Variants in CFAP69 observed in about 807,000 individuals in gnomAD.
CFAP69 encodes cilia and flagella associated protein 69, also known as cilia- and flagella-associated protein 69.
CFAP69 carries 92 observed loss-of-function variants against 123.0 expected under a neutral mutation model. The ratio of observed to expected loss-of-function variants is 0.75; its 90% CI spans 0.63 to 0.89. The LOEUF (loss-of-function observed/expected upper bound fraction) is 0.89. Ranked by LOEUF, CFAP69 falls within the 40% of genes least tolerant of loss-of-function variation. The pLI, the probability that CFAP69 is intolerant of heterozygous loss-of-function variation, is 0.00. For missense variants in CFAP69, 1,067 were observed against 1,096.9 expected, an observed-to-expected ratio of 0.97 and a Z score of 0.39; for synonymous variants, 380 against 364.3, an observed-to-expected ratio of 1.04 and a Z score of -0.49.
At chr7:90,277,018 C>A in intron 9 of CFAP69, 55 bp from the exon 10 acceptor site, 5 of 1,276,210 alleles carry the variant, frequency 3.9e-6, no homozygotes, top group Non-Finnish European at 5.4e-6. Context: ...GCATCTGCAT[C>A]ATAACTTTCA....
chr7:90,286,233 A>G, intron 13 of CFAP69, 48 bp from the exon 14 acceptor site: 1 of 1,468,620 alleles, frequency 6.8e-7, no homozygotes, highest in Non-Finnish European at 9.2e-7. Context: ...TGATCAAAAT[A>G]AAAGTAGTGT....
Position 90,309,966 on chromosome 7 carries a change from A to C in CFAP69, c.2656-102A>C, listed in dbSNP as rs1382613998. On this transcript the variant is annotated intron_variant, in intron 22 of 22. Transcript: ENST00000389297. Reference sequence around the variant, plus strand: ...CATAACTGCCTCCTAGTTATTCATTACATTTGTGTCTTTTCAAAAGTAAGC... The same window carrying C: ...CATAACTGCCTCCTAGTTATTCATTCCATTTGTGTCTTTTCAAAAGTAAGC... The C allele has an allele frequency of 8.7e-6, 8 of 917,064 alleles. No individual in the cohort carries two copies. In the African/African-American group the frequency reaches 1.3e-4, roughly 15 times the overall value. The allele number at this position is 917,064 out of a possible 1,614,324, so 56.8% of individuals were successfully genotyped here.
At chr7:90,253,359 GTTGT>G (rs768070541) in intron 1 of CFAP69, among the ~76,000 whole-genome samples, 4 of 151,998 alleles carry the variant, frequency 2.6e-5, no homozygotes, top group East Asian at 1.9e-4. Context: ...TGTTGTTGGG[GTTGT>G]TTGTTTTGTT....
In CFAP69 at chr7:90,304,595, A is replaced by G. The variant is rs1793284511; in HGVS notation, c.2189-149A>G. On this transcript the variant is annotated intron_variant, in intron 18 of 22. Coordinates refer to ENST00000389297, the MANE Select transcript of CFAP69 (RefSeq NM_001039706.3). ...AGCTACTCACAGAATTAACTTTTTC[A>G]TAAATCAAGATGAAATCAAAAGTAA... is the stretch of plus-strand genomic sequence containing the variant. The G allele has an allele frequency of 5.6e-6, 8 of 1,416,776 alleles. No homozygotes were observed. The South Asian group carries it at 1.2e-4, about 21-fold the overall frequency. 87.8% of individuals were successfully genotyped at this position (1,416,776 alleles called of 1,614,324 possible).
At chr7:90,320,536 A>T in the CFAP69 span, 5 of 152,220 alleles carry the variant, frequency 3.3e-5, no homozygotes, top group Admixed American at 2.0e-4. Flanking sequence ...CCCAAAGCAC[A>T]TAAGAGGAAG....
intron 12 of CFAP69, among the ~76,000 whole-genome samples, chr7:90,281,012 C>A (rs1398376690): frequency 6.6e-6 from 1 of 152,118 alleles, no homozygotes; most frequent in African/African-American, 2.4e-5. Context: ...GACTTTAAGG[C>A]AAAAGGGGAA....
downstream of CFAP69, among the ~76,000 whole-genome samples, chr7:90,312,206 A>G (rs980781968): frequency 6.6e-6 from 1 of 152,216 alleles, no homozygotes; most frequent in Non-Finnish European, 1.5e-5. Context: ...CTGAGCTCAA[A>G]GGGAAGATTC....
At chr7:90,288,496 G>C (rs1172967217) in intron 15 of CFAP69, 144 bp downstream of exon 15, 22 of 916,290 alleles carry the variant, frequency 2.4e-5, no homozygotes, top group Non-Finnish European at 3.2e-5. Context: ...AAACATAGAT[G>C]GTATAGCCTA....
intron 15 of CFAP69, among the ~76,000 whole-genome samples, chr7:90,290,815 CT>C (rs1791068202): frequency 1.1e-5 from 1 of 92,872 alleles, no homozygotes; most frequent in African/African-American, 4.7e-5. Flanking sequence ...CTTTTCTTTT[CT>C]TTTCTTTTTT....
Position 90,258,289 on chromosome 7 carries a change from A to G in CFAP69, c.246+126A>G, listed in dbSNP as rs568749143. On this transcript the variant is annotated intron_variant, in intron 3 of 22. Transcript: ENST00000389297. Reference sequence around the variant, plus strand: ...CATAAATTTGATGGCTTAAAACAACATAAAGTTATTATCATACAGTTTTGG... The same window carrying G: ...CATAAATTTGATGGCTTAAAACAACGTAAAGTTATTATCATACAGTTTTGG... 12 of 690,836 alleles carry G rather than the reference A, an allele frequency of 1.7e-5. No homozygotes were observed. In the Admixed American group the frequency reaches 2.9e-4, roughly 16 times the overall value. 42.8% of individuals were successfully genotyped at this position (690,836 alleles called of 1,614,324 possible).
chr7:90,319,819 A>G, the CFAP69 span: 8 of 397,880 alleles, frequency 2.0e-5, no homozygotes, highest in Admixed American at 2.2e-4. Context: ...CTTGATCTAA[A>G]AAACTGTAAG....
chr7:90,284,915 A>G (rs1790041869), intron 13 of CFAP69, among the ~76,000 whole-genome samples: 1 of 152,198 alleles, frequency 6.6e-6, no homozygotes, highest in South Asian at 2.1e-4. Flanking sequence ...GGAGAGCCTC[A>G]AAGGGTTTTG....
chr7:90,290,494 G>A (rs1278933856), intron 15 of CFAP69, among the ~76,000 whole-genome samples: 1 of 152,154 alleles, frequency 6.6e-6, no homozygotes, highest in Non-Finnish European at 1.5e-5. Flanking sequence ...ATTAGTAAGG[G>A]CAGGCTACTT....
downstream of CFAP69, among the ~76,000 whole-genome samples, chr7:90,313,538 C>T (rs1221779776): frequency 1.3e-5 from 2 of 152,168 alleles, no homozygotes; most frequent in Non-Finnish European, 2.9e-5. Context: ...GGAGAAATGG[C>T]TAATTCTAAG....
intron 2 of CFAP69, among the ~76,000 whole-genome samples, chr7:90,256,601 A>G (rs1181369605): frequency 6.6e-6 from 1 of 152,118 alleles, no homozygotes; most frequent in Non-Finnish European, 1.5e-5. Flanking sequence ...TCCTATGAAT[A>G]GGAGGCACAA....
intron 3 of CFAP69, among the ~76,000 whole-genome samples, chr7:90,259,462 G>GTTTTA (rs1169565785): frequency 3.3e-4 from 42 of 126,592 alleles, no homozygotes; most frequent in Admixed American, 2.4e-3. Context: ...GTTTTGTTTT[G>GTTTTA]TTTTGGGGTG....
intron 15 of CFAP69, among the ~76,000 whole-genome samples, chr7:90,297,423 A>G (rs932212927): frequency 6.6e-6 from 1 of 152,188 alleles, no homozygotes; most frequent in African/African-American, 2.4e-5. Context: ...ATAAATGGAT[A>G]TATCTTGCAA....
downstream of CFAP69, among the ~76,000 whole-genome samples, chr7:90,314,484 A>G (rs1401539063): frequency 6.6e-6 from 1 of 152,056 alleles, no homozygotes; most frequent in Admixed American, 6.6e-5. Flanking sequence ...ATTATTTGGG[A>G]GTGGTGGTGT....
rs777817674 is a variant in CFAP69, at chr7:90,261,944, A to C, written c.247-3A>C. 152 of 1,434,428 alleles carry C rather than the reference A, an allele frequency of 1.1e-4. No individual in the cohort carries two copies. Among genetic ancestry groups the C allele is most frequent in the Non-Finnish European group, 1.4e-4 (150 of 1,049,172 alleles). 88.9% of individuals were successfully genotyped at this position (1,434,428 alleles called of 1,614,324 possible). ...TTTTATTTCTTAACTAAAAATATTA[A>C]AGCCATTAAGGGATTTAGCACAGAT... On this transcript the variant is annotated splice_region_variant and splice_polypyrimidine_tract_variant and intron_variant, in intron 3 of 22. Transcript: ENST00000389297.
Sources: allele counts gnomAD v4.1 joint callset (sites outside exome capture counted in the v4.1 genomes callset), GRCh38; gene constraint gnomAD v4.1.1; transcripts MANE v1.5; gene names NCBI Gene and HGNC (gene_info 2026-07-23, HGNC 2026-07-21).